FAM53A: variants seen among roughly 807,000 people sequenced by gnomAD.
FAM53A encodes protein FAM53A.
A neutral mutation model predicts 26.6 loss-of-function variants in FAM53A; 28 were observed. The observed-to-expected ratio is 1.05, with a 90% CI of 0.78 to 1.45. The LOEUF (loss-of-function observed/expected upper bound fraction) is 1.45. Ranked by LOEUF, FAM53A falls within the 40% of genes most tolerant of loss-of-function variation. FAM53A has a pLI of 0.00. For synonymous variants in FAM53A, 290 were observed against 253.1 expected, an observed-to-expected ratio of 1.15 and a Z score of -1.38; for missense variants, 650 against 575.8, an observed-to-expected ratio of 1.13 and a Z score of -1.32.
chr4:1,576,454 C>T, the FAM53A span, among the ~76,000 whole-genome samples: 1 of 152,226 alleles, frequency 6.6e-6, no homozygotes, highest in Non-Finnish European at 1.5e-5. Flanking sequence ...GATAAAACAT[C>T]CTTCCCAATT....
chr4:1,621,610 A>G (rs1332846819), intron 1 of FAM53A, among the ~76,000 whole-genome samples: 1 of 152,170 alleles, frequency 6.6e-6, no homozygotes, highest in Non-Finnish European at 1.5e-5. Flanking sequence ...GGGAATCAGG[A>G]TTAGCTCCAC....
At chr4:1,645,017 G>A (rs541185775) in intron 4 of FAM53A, 2 of 152,478 alleles carry the variant, frequency 1.3e-5, no homozygotes, top group African/African-American at 4.8e-5. Context: ...CATGTGGGAG[G>A]GGCTCACAGG....
At chr4:1,633,940 C>G (rs1715724654) in intron 1 of FAM53A, among the ~76,000 whole-genome samples, 1 of 152,150 alleles carries the variant, frequency 6.6e-6, no homozygotes, top group African/African-American at 2.4e-5. Context: ...CTGTTCAGCA[C>G]CAACGCAGAA....
the FAM53A span, among the ~76,000 whole-genome samples, chr4:1,577,925 G>C: frequency 0.018 from 2,662 of 152,018 alleles, 74 homozygotes; most frequent in African/African-American, 0.062. Flanking sequence ...GCAGGTGAGG[G>C]GCTGCGGGGG....
chr4:1,638,289 G>A (rs925649323), downstream of FAM53A, among the ~76,000 whole-genome samples: 15 of 152,166 alleles, frequency 9.9e-5, no homozygotes, highest in Middle Eastern at 3.4e-3. Context: ...GAGCTCACTC[G>A]CACACACACG....
the FAM53A span, among the ~76,000 whole-genome samples, chr4:1,589,074 C>T: frequency 3.9e-4 from 60 of 152,272 alleles, 2 homozygotes; most frequent in South Asian, 0.012. Flanking sequence ...ATGGGAGATG[C>T]TGTGTAAAGT....
At position 1,655,074 on chromosome 4, in the gene FAM53A, A is replaced by C. The variant is rs62287700; in HGVS notation, c.786T>G (p.Pro262=). ...RRGLLRCRSQ[P]CVLSGKRSRR... Reference sequence around the variant, plus strand: ...GGCTCCTCTTCCCACTGAGCACGCAAGGCTGTGAGCGGCACCGGAGCAGCC... The same window carrying C: ...GGCTCCTCTTCCCACTGAGCACGCACGGCTGTGAGCGGCACCGGAGCAGCC... Residue 262 remains proline, a synonymous_variant, in exon 4 of 5, where the codon CCT becomes CCG. Transcript: ENST00000308132. 511,188 of 1,597,936 alleles carry C rather than the reference A, an allele frequency of 0.32. 86,973 individuals carry two copies. The highest frequency in any genetic ancestry group is 0.45 in the Middle Eastern group (2,716 of 6,006).
the FAM53A span, among the ~76,000 whole-genome samples, chr4:1,608,981 C>T: frequency 6.6e-6 from 1 of 152,004 alleles, no homozygotes; most frequent in African/African-American, 2.4e-5. Flanking sequence ...GATGGCCCAG[C>T]GCTGCACCAC....
chr4:1,626,680 G>A (rs534392621), intron 1 of FAM53A, among the ~76,000 whole-genome samples: 1 of 152,100 alleles, frequency 6.6e-6, no homozygotes, highest in African/African-American at 2.4e-5. Context: ...GGGACCCGGG[G>A]AGGACCCGGG....
chr4:1,667,212 T>C (rs1396672069), intron 2 of FAM53A, among the ~76,000 whole-genome samples: 1 of 151,638 alleles, frequency 6.6e-6, no homozygotes, highest in Non-Finnish European at 1.5e-5. Context: ...GGCACGAGAA[T>C]CACTTGAACC....
At chr4:1,657,242 T>C (rs1395321432) in intron 3 of FAM53A, among the ~76,000 whole-genome samples, 166 bp downstream of exon 3, 1 of 152,194 alleles carries the variant, frequency 6.6e-6, no homozygotes, top group African/African-American at 2.4e-5. Context: ...GGCCCAGCCG[T>C]TGGAGGACGG....
intron 4 of FAM53A, among the ~76,000 whole-genome samples, chr4:1,643,638 C>T (rs971642111): frequency 2.7e-5 from 4 of 149,254 alleles, no homozygotes; most frequent in African/African-American, 9.9e-5. Flanking sequence ...GCAATCATAG[C>T]TCACTGCAGC....
the FAM53A span, among the ~76,000 whole-genome samples, chr4:1,586,151 C>T: frequency 1.3e-5 from 2 of 152,058 alleles, no homozygotes; most frequent in Non-Finnish European, 2.9e-5. Flanking sequence ...ACAAATAGTA[C>T]TATCATGAAC....
At position 1,668,776 on chromosome 4, in the gene FAM53A, G is replaced by A; in HGVS notation, c.-35C>T. The A allele has an allele frequency of 6.2e-7, 1 of 1,604,464 alleles. No homozygotes were observed. The highest frequency in any genetic ancestry group is 1.1e-5 in the South Asian group (1 of 90,782). On this transcript the variant is annotated 5_prime_UTR_variant, in exon 2 of 5. Coordinates refer to ENST00000308132, the MANE Select transcript of FAM53A (RefSeq NM_001174070.3). ...CCCGTGTCCTCCGTCCACACCAACA[G>A]GCACTGGAGTCCTGGAACATCAGAC...
Position 1,654,096 on chromosome 4 carries a change from C to G in FAM53A, c.882+882G>C, listed in dbSNP as rs188420546. On this transcript the variant is annotated intron_variant, in intron 4 of 4. Coordinates refer to ENST00000308132, the MANE Select transcript of FAM53A (RefSeq NM_001174070.3). ...AGGTCATTGAGGAGACAGGCTGACA[C>G]TGATCCCGCCCCACCCTAGCCACAG... Among the ~76,000 whole-genome samples the G allele has an allele frequency of 2.9e-3, 435 of 152,334 alleles. 3 individuals are homozygous for G. The highest frequency in any genetic ancestry group is 0.01 in the African/African-American group (423 of 41,580).
chr4:1,658,997 G>A (rs564229498), intron 2 of FAM53A, among the ~76,000 whole-genome samples: 9 of 152,358 alleles, frequency 5.9e-5, no homozygotes, highest in Admixed American at 2.6e-4. Flanking sequence ...ATGGCATCAC[G>A]TCCTATGATA....
At chr4:1,589,683 G>A in the FAM53A span, among the ~76,000 whole-genome samples, 25 of 151,964 alleles carry the variant, frequency 1.6e-4, no homozygotes, top group South Asian at 2.1e-4. Context: ...AAATGTATTC[G>A]TTTTATTTGG....
intron 4 of FAM53A, among the ~76,000 whole-genome samples, chr4:1,643,963 A>G (rs1363362541): frequency 2.0e-5 from 3 of 152,236 alleles, no homozygotes; most frequent in Non-Finnish European, 2.9e-5. Flanking sequence ...GAATTTGCCC[A>G]TGGACATCAC....
chr4:1,612,496 T>C, the FAM53A span, among the ~76,000 whole-genome samples: 1 of 151,976 alleles, frequency 6.6e-6, no homozygotes, highest in African/African-American at 2.4e-5. Context: ...CACACACACA[T>C]GCTCACACAC....
Sources: allele counts gnomAD v4.1 joint callset (sites outside exome capture counted in the v4.1 genomes callset), GRCh38; gene constraint gnomAD v4.1.1; transcripts MANE v1.5; gene names NCBI Gene and HGNC (gene_info 2026-07-23, HGNC 2026-07-21).